DMD: variants seen among roughly 807,000 people sequenced by gnomAD.
The protein encoded by DMD is dystrophin, also known as mutant dystrophin.
DMD carries 63 observed loss-of-function variants against 330.1 expected under a neutral mutation model. The ratio of observed to expected loss-of-function variants is 0.19; its 90% CI spans 0.16 to 0.24. The LOEUF is 0.24. Ranked by LOEUF, DMD falls within the 10% of genes least tolerant of loss-of-function variation. The pLI, the probability that DMD is intolerant of heterozygous loss-of-function variation, is 1.00. For missense variants in DMD, 3,344 were observed against 2,684.1 expected, an observed-to-expected ratio of 1.25 and a Z score of -5.43; for synonymous variants, 1,223 against 959.8, an observed-to-expected ratio of 1.27 and a Z score of -5.07.
intron 57 of DMD, among the ~76,000 whole-genome samples, chrX:31,495,266 C>A (rs989152212): frequency 9.0e-6 from 1 of 110,660 alleles, no homozygotes; most frequent in African/African-American, 3.3e-5. Flanking sequence ...CAAGATGCCA[C>A]CTTTGGCTGT....
At chrX:32,749,121 C>G (rs1323259614) in intron 7 of DMD, among the ~76,000 whole-genome samples, 1 of 112,033 alleles carries the variant, frequency 8.9e-6, no homozygotes, top group East Asian at 2.8e-4. Flanking sequence ...ACCAAATTTA[C>G]TAGACTGATT....
intron 55 of DMD, among the ~76,000 whole-genome samples, chrX:31,527,187 G>A (rs1426175995): frequency 8.9e-6 from 1 of 111,879 alleles, no homozygotes; most frequent in Non-Finnish European, 1.9e-5. Context: ...AAGAATATAA[G>A]AATGCAAAGT....
At chrX:32,307,567 A>G (rs73462035) in intron 42 of DMD, among the ~76,000 whole-genome samples, 1,168 of 111,854 alleles carry the variant, frequency 0.01, 24 homozygotes, top group African/African-American at 0.036. Flanking sequence ...TCATCCTCCA[A>G]TAAAACTGAT....
At chrX:32,238,733 C>G (rs115937518) in intron 43 of DMD, among the ~76,000 whole-genome samples, 1 of 111,848 alleles carries the variant, frequency 8.9e-6, no homozygotes, top group African/African-American at 3.2e-5. Flanking sequence ...TTCCTTTCTG[C>G]TATTTTCCAT....
chrX:33,024,286 T>C (rs934040822), intron 1 of DMD, among the ~76,000 whole-genome samples: 33 of 112,374 alleles, frequency 2.9e-4, no homozygotes, highest in South Asian at 1.1e-3. Context: ...GCAGCACATA[T>C]TCTATTTCAT....
intron 44 of DMD, among the ~76,000 whole-genome samples, chrX:32,162,011 T>C (rs1378126733): frequency 9.0e-6 from 1 of 111,205 alleles, no homozygotes; most frequent in African/African-American, 3.3e-5. Context: ...AAGAAAACAA[T>C]GTGGACACAG....
At chrX:33,158,467 G>A (rs1342018326) in intron 1 of DMD, among the ~76,000 whole-genome samples, 1 of 111,279 alleles carries the variant, frequency 9.0e-6, no homozygotes, top group Non-Finnish European at 1.9e-5. Context: ...TAGCTGGAAA[G>A]AGCTCTCTTT....
At chrX:31,206,502 C>A in intron 66 of DMD, 80 bp downstream of exon 66, 1 of 844,572 alleles carries the variant, frequency 1.2e-6, no homozygotes, top group Non-Finnish European at 1.7e-6. Flanking sequence ...CAAATAAGAA[C>A]AGTCTGTCAT....
intron 49 of DMD, among the ~76,000 whole-genome samples, chrX:31,831,822 T>C (rs925235147): frequency 1.8e-5 from 2 of 112,267 alleles, no homozygotes; most frequent in African/African-American, 6.5e-5. Flanking sequence ...CAGGATGGTC[T>C]CGATCTCCTG....
chrX:32,477,031 T>C (rs2041309076), intron 21 of DMD, among the ~76,000 whole-genome samples: 1 of 111,645 alleles, frequency 9.0e-6, no homozygotes, highest in South Asian at 3.8e-4. Flanking sequence ...AGGAAAAATA[T>C]GGCCTGAAGA....
At chrX:31,531,024 C>T (rs2073762510) in intron 55 of DMD, among the ~76,000 whole-genome samples, 1 of 93,372 alleles carries the variant, frequency 1.1e-5, no homozygotes, top group African/African-American at 4.4e-5. Flanking sequence ...TTTATGGCTG[C>T]ATAGTATTCC....
At chrX:32,636,857 G>A (rs2059129233) in intron 11 of DMD, among the ~76,000 whole-genome samples, 1 of 109,788 alleles carries the variant, frequency 9.1e-6, no homozygotes, top group Non-Finnish European at 1.9e-5. Flanking sequence ...AGTTAGCCGA[G>A]CGTGGTGGCG....
chrX:31,934,446 T>G (rs2094898381), intron 45 of DMD, among the ~76,000 whole-genome samples: 1 of 112,245 alleles, frequency 8.9e-6, no homozygotes, highest in Non-Finnish European at 1.9e-5. Context: ...TATTCGCTTA[T>G]TTTTACAAAT....
At chrX:32,915,664 C>T (rs1181007188) in intron 2 of DMD, among the ~76,000 whole-genome samples, 1 of 112,036 alleles carries the variant, frequency 8.9e-6, no homozygotes, top group Non-Finnish European at 1.9e-5. Flanking sequence ...TGTGTCATGG[C>T]ATTAGTAATT....
intron 53 of DMD, among the ~76,000 whole-genome samples, chrX:31,677,195 T>C (rs1169132199): frequency 8.9e-6 from 1 of 111,827 alleles, no homozygotes; most frequent in Admixed American, 9.5e-5. Flanking sequence ...TACTTTCATA[T>C]TTCCTTCTGC....
chrX:33,171,684 T>C (rs1266529914), intron 1 of DMD, among the ~76,000 whole-genome samples: 1 of 111,808 alleles, frequency 8.9e-6, no homozygotes, highest in Admixed American at 9.6e-5. Context: ...AAATGAGTCA[T>C]GCAATTTATT....
At chrX:31,686,909 C>T (rs1338514329) in intron 52 of DMD, among the ~76,000 whole-genome samples, 1 of 111,997 alleles carries the variant, frequency 8.9e-6, no homozygotes, top group Non-Finnish European at 1.9e-5. Flanking sequence ...GAAGTGACTC[C>T]TTACTTCTCG....
At chrX:31,979,392 C>T (rs1465883081) in intron 44 of DMD, among the ~76,000 whole-genome samples, 1 of 111,809 alleles carries the variant, frequency 8.9e-6, no homozygotes, top group East Asian at 2.8e-4. Flanking sequence ...TTATGATTGT[C>T]TTTATTTCAG....
At chrX:31,453,414 G>T (rs1275413869) in intron 59 of DMD, among the ~76,000 whole-genome samples, 1 of 110,664 alleles carries the variant, frequency 9.0e-6, no homozygotes, top group Non-Finnish European at 1.9e-5. Context: ...CGCCTGCCTT[G>T]GCCTCCCAAA....
Sources: gnomAD v4.1 joint callset for allele counts (sites outside exome capture counted in the v4.1 genomes callset) on GRCh38, gnomAD v4.1.1 for gene constraint, MANE v1.5 for transcripts, NCBI Gene and HGNC (gene_info 2026-07-23, HGNC 2026-07-21) for gene names.